Variants in KAT6A observed in about 807,000 individuals in gnomAD.
KAT6A encodes lysine acetyltransferase 6A, also known as histone acetyltransferase KAT6A.
A neutral mutation model predicts 198.4 loss-of-function variants in KAT6A; 9 were observed. The observed-to-expected ratio is 0.05, with a 90% CI of 0.03 to 0.08. The LOEUF is 0.08. Among genes scored for constraint, KAT6A ranks in the 10% least tolerant of loss-of-function variants. The pLI is 1.00. For synonymous variants in KAT6A, 890 were observed against 883.0 expected (o/e 1.01, Z -0.14); for missense variants, 2,077 against 2,509.9 (o/e 0.83, Z 3.69).
At chr8:41,981,213 A>G (rs1478047289) in intron 4 of KAT6A, among the ~76,000 whole-genome samples, 4 of 152,114 alleles carry the variant, frequency 2.6e-5, no homozygotes, top group African/African-American at 9.7e-5. Context: ...AGCTACTCAG[A>G]AGGCTGAGGC....
At chr8:42,032,495 A>G (rs1827179980) in intron 2 of KAT6A, among the ~76,000 whole-genome samples, 1 of 152,220 alleles carries the variant, frequency 6.6e-6, no homozygotes, top group Non-Finnish European at 1.5e-5. Context: ...AAGTTATGAG[A>G]AACAAAACTG....
At position 41,933,836 on chromosome 8, in the gene KAT6A, C is replaced by T; in HGVS notation, c.4384G>A (p.Ala1462Thr). The change falls in exon 17 of 17, where the codon GCT (alanine) becomes ACT (threonine). Residue 1462 changes from alanine to threonine, a missense_variant. Physicochemically the swap from Ala to Thr is moderately conservative, Grantham distance 58. Coordinates refer to ENST00000265713, the MANE Select transcript of KAT6A (RefSeq NM_006766.5). This position sits in a 1 kb window ranked among gnomAD's most constrained non-coding sequence, Gnocchi z 6.2. ...ACQTLQSYTQ[A>T]DEDPQMSMVE... ...ATGGACATCTGAGGGTCCTCGTCAG[C>T]CTGGGTGTAACTCTGCAGGGTCTGA... 1.2e-6 allele frequency: 2 copies of T among 1,614,104 alleles called. No individual in the cohort carries two copies. The highest frequency in any genetic ancestry group is 1.7e-6 in the Non-Finnish European group (2 of 1,180,002).
rs148782462 is a variant in KAT6A at position 42,012,325 on chromosome 8, G to A, written c.601-24762C>T. Among the ~76,000 whole-genome samples, 5 of 152,250 alleles carry A rather than the reference G, an allele frequency of 3.3e-5. No individual in the cohort carries two copies. In the East Asian group the frequency reaches 5.8e-4, roughly 18 times the overall value. The stretch of plus-strand genomic sequence containing the variant: ...CACAGACAGCTCATCCTAATCCTTC[G>A]AACCTGTAAAGGATAATTTTATTTG... On this transcript the variant is annotated intron_variant, in intron 2 of 16. Coordinates refer to ENST00000265713, the MANE Select transcript of KAT6A (RefSeq NM_006766.5).
chr8:41,947,977 C>T (rs1372367876), intron 10 of KAT6A, 65 bp from the exon 11 acceptor site: 2 of 1,287,232 alleles, frequency 1.6e-6, no homozygotes, highest in Non-Finnish European at 1.1e-6. Flanking sequence ...TAATATGTAT[C>T]AGTTAAAAGC....
At chr8:41,982,402 T>C (rs1326285958) in intron 3 of KAT6A, among the ~76,000 whole-genome samples, 7 of 152,250 alleles carry the variant, frequency 4.6e-5, no homozygotes, top group African/African-American at 9.6e-5. Flanking sequence ...TCTCAGTTTA[T>C]ACCCTTTTGT....
intron 2 of KAT6A, among the ~76,000 whole-genome samples, chr8:41,997,620 C>T (rs1000109710): frequency 2.6e-5 from 4 of 152,000 alleles, no homozygotes; most frequent in African/African-American, 9.7e-5. Context: ...TCTTTCTGAC[C>T]ACCATATATC....
intron 2 of KAT6A, among the ~76,000 whole-genome samples, chr8:42,009,920 A>AAAAAC: frequency 6.6e-6 from 1 of 150,434 alleles, no homozygotes; most frequent in Non-Finnish European, 1.5e-5. Flanking sequence ...AAAAACAAAA[A>AAAAAC]AAAACAAAAC....
At chr8:42,023,299 T>C (rs1401173550) in intron 2 of KAT6A, among the ~76,000 whole-genome samples, 2 of 152,122 alleles carry the variant, frequency 1.3e-5, no homozygotes, top group African/African-American at 2.4e-5. Flanking sequence ...TATACACTAA[T>C]ACAAACTTTA....
intron 3 of KAT6A, among the ~76,000 whole-genome samples, chr8:41,986,805 AG>A (rs1327046226): frequency 6.6e-6 from 1 of 152,182 alleles, no homozygotes; most frequent in Non-Finnish European, 1.5e-5. Context: ...TGGGAGGCCA[AG>A]GCAGGCAGAT....
chr8:41,947,526 G>A (rs887713854), intron 11 of KAT6A, among the ~76,000 whole-genome samples: 1 of 152,144 alleles, frequency 6.6e-6, no homozygotes, highest in African/African-American at 2.4e-5. Context: ...AACCTTCCCC[G>A]TGAGTATTGC....
intron 14 of KAT6A, chr8:41,942,140 G>A (rs959835298): frequency 1.5e-5 from 3 of 204,092 alleles, no homozygotes; most frequent in Admixed American, 1.2e-4. Flanking sequence ...TGCATCACAT[G>A]AAGAAAAATA....
intron 8 of KAT6A, among the ~76,000 whole-genome samples, chr8:41,961,687 C>T (rs1587746579): frequency 7.3e-6 from 1 of 137,904 alleles, no homozygotes; most frequent in African/African-American, 2.7e-5. Context: ...CGGGACGTGG[C>T]GGTTGCAATG....
intron 3 of KAT6A, among the ~76,000 whole-genome samples, chr8:41,985,653 A>G (rs1212738016): frequency 6.6e-6 from 1 of 152,160 alleles, no homozygotes; most frequent in African/African-American, 2.4e-5. Flanking sequence ...CCTCTTCCAG[A>G]TAGAGGCAGA....
chr8:42,012,382 A>T (rs1260143224), intron 2 of KAT6A, among the ~76,000 whole-genome samples: 2 of 152,316 alleles, frequency 1.3e-5, no homozygotes, highest in East Asian at 3.9e-4. Context: ...TGATTAAATT[A>T]AGAATTTTGA....
At position 41,980,946 on chromosome 8, in the gene KAT6A, G is replaced by A. The variant is rs1217714107; in HGVS notation, c.826-19C>T. On this transcript the variant is annotated intron_variant, in intron 4 of 16. Coordinates refer to ENST00000265713, the MANE Select transcript of KAT6A (RefSeq NM_006766.5). ...TGTTATCCTATTAGAAAAAAGAAAG[G>A]ACAGTTTTGCTTAACCTTATGAAGC... The A allele has an allele frequency of 1.9e-6, 3 of 1,567,782 alleles. No individual in the cohort carries two copies. The highest frequency in any genetic ancestry group is 3.3e-5 in the Admixed American group (2 of 59,916).
chr8:42,031,044 G>C (rs952057877), intron 2 of KAT6A, among the ~76,000 whole-genome samples: 6 of 134,442 alleles, frequency 4.5e-5, no homozygotes, highest in Non-Finnish European at 1.6e-5. Context: ...AAAAAGGGGG[G>C]GGGGACAGGA....
At chr8:42,033,824 T>A (rs944430948) in intron 2 of KAT6A, among the ~76,000 whole-genome samples, 14 of 152,082 alleles carry the variant, frequency 9.2e-5, no homozygotes, top group African/African-American at 2.7e-4. Context: ...CAGTTAAAAA[T>A]TTTTTAATTA....
Position 41,930,471 on chromosome 8 carries a change from A to T in KAT6A, c.*1734T>A, listed in dbSNP as rs1459802406. The stretch of plus-strand genomic sequence containing the variant: ...TTGAGAAAGTCAATTAAAGTGTATT[A>T]AAAAAACCAACAAACCTGTGCATTT... On this transcript the variant is annotated 3_prime_UTR_variant, in exon 17 of 17. Coordinates refer to ENST00000265713, the MANE Select transcript of KAT6A (RefSeq NM_006766.5). 5 of 214,192 alleles carry T rather than the reference A, an allele frequency of 2.3e-5. No homozygotes were observed. Among genetic ancestry groups the T allele is most frequent in the Non-Finnish European group, 3.8e-5 (4 of 106,172 alleles). 13.3% of individuals were successfully genotyped at this position (214,192 alleles called of 1,614,324 possible). A position where few individuals can be genotyped will look rare whatever the true frequency, so the allele number is the denominator to read the frequency against.
At chr8:42,046,428 T>C (rs1397280205) in intron 2 of KAT6A, among the ~76,000 whole-genome samples, 2 of 151,850 alleles carry the variant, frequency 1.3e-5, no homozygotes, top group Non-Finnish European at 2.9e-5. Flanking sequence ...CCCAGCTACT[T>C]GGGAGGCTGA....
Sources: gnomAD v4.1 joint callset for allele counts (sites outside exome capture counted in the v4.1 genomes callset) on GRCh38, gnomAD v4.1.1 for gene constraint, Gnocchi (gnomAD v3.1) non-coding constraint, MANE v1.5 for transcripts, NCBI Gene and HGNC (gene_info 2026-07-23, HGNC 2026-07-21) for gene names.